LRBA: variants seen among roughly 807,000 people sequenced by gnomAD.
LRBA encodes the protein lipopolysaccharide-responsive and beige-like anchor protein.
In LRBA, 176 loss-of-function variants were observed where a neutral mutation model predicts 330.0. The observed-to-expected ratio is 0.53, with a 90% CI of 0.47 to 0.60. The LOEUF (loss-of-function observed/expected upper bound fraction) is 0.60, where lower values mean the gene tolerates loss of function less well. Among genes scored for constraint, LRBA ranks in the 20% least tolerant of loss-of-function variants. LRBA has a pLI of 0.00. For missense variants in LRBA, 3,259 were observed against 3,444.8 expected (o/e 0.95, Z 1.35); for synonymous variants, 1,230 against 1,193.0 (o/e 1.03, Z -0.64).
At chr4:150,642,752 A>C (rs1778797556) in intron 37 of LRBA, among the ~76,000 whole-genome samples, 1 of 151,914 alleles carries the variant, frequency 6.6e-6, no homozygotes, top group Non-Finnish European at 1.5e-5. Flanking sequence ...ATCAACTCAA[A>C]TAAAACTTCA....
chr4:150,759,946 T>C (rs907716611), intron 35 of LRBA, among the ~76,000 whole-genome samples: 1 of 152,154 alleles, frequency 6.6e-6, no homozygotes, highest in Non-Finnish European at 1.5e-5. Context: ...AACAATAACA[T>C]ACATAAATAA....
At position 150,831,821 on chromosome 4, in the gene LRBA, G is replaced by A; in HGVS notation, c.4725C>T (p.Leu1575=). The stretch of plus-strand genomic sequence containing the variant: ...GAATAGAAAATGCAAACTTACCAGA[G>A]AGTGATACATTCTCATTTTCACTGC... ...ETGSENENVS[L]SEITPAAFST... is the part of the protein sequence containing the mutation. Residue 1575 remains leucine, a synonymous_variant, in exon 29 of 57, where the codon CTC becomes CTT. Coordinates refer to ENST00000651943, the MANE Select transcript of LRBA (RefSeq NM_001364905.1). 1 of 1,588,436 alleles carries A rather than the reference G, an allele frequency of 6.3e-7. No individual in the cohort carries two copies.
chr4:150,621,092 G>A (rs1352251337), intron 37 of LRBA, among the ~76,000 whole-genome samples: 6 of 147,718 alleles, frequency 4.1e-5, no homozygotes, highest in African/African-American at 2.5e-5. Context: ...CCCTTCTTCG[G>A]AAAAAAAAAA....
intron 36 of LRBA, among the ~76,000 whole-genome samples, chr4:150,711,265 T>C (rs1786176749): frequency 6.6e-6 from 1 of 150,884 alleles, no homozygotes. Flanking sequence ...AGAAAGAGTC[T>C]CACTGTGTCA....
At chr4:150,544,184 G>A (rs1233063696) in intron 40 of LRBA, among the ~76,000 whole-genome samples, 1 of 151,624 alleles carries the variant, frequency 6.6e-6, no homozygotes, top group Admixed American at 6.6e-5. Flanking sequence ...CTGGAGTGCA[G>A]TGGTACGATC....
At chr4:150,294,764 A>G (rs1414868017) in intron 53 of LRBA, among the ~76,000 whole-genome samples, 1 of 152,208 alleles carries the variant, frequency 6.6e-6, no homozygotes, top group Non-Finnish European at 1.5e-5. Context: ...ATCATGGCCA[A>G]CATGGTGAAA....
Position 150,906,425 on chromosome 4 carries a change from C to A in LRBA, c.1494-20G>T. 2 of 1,303,426 alleles carry A rather than the reference C, an allele frequency of 1.5e-6. No individual in the cohort carries two copies. The highest frequency in any genetic ancestry group is 1.2e-5 in the South Asian group (1 of 80,938). 80.7% of individuals were successfully genotyped at this position (1,303,426 alleles called of 1,614,324 possible). A position where few individuals can be genotyped will look rare whatever the true frequency, so the allele number is the denominator to read the frequency against. On this transcript the variant is annotated intron_variant, in intron 11 of 56. Coordinates refer to ENST00000651943, the MANE Select transcript of LRBA (RefSeq NM_001364905.1). ...GTTGAACTAGAATTTTTTAAAAAGG[C>A]GATGATTAAAAAAACATATTCTATT...
At chr4:150,612,930 C>T (rs973794412) in intron 37 of LRBA, among the ~76,000 whole-genome samples, 1 of 151,876 alleles carries the variant, frequency 6.6e-6, no homozygotes, top group Non-Finnish European at 1.5e-5. Context: ...TGAGAAATAC[C>T]CTTAAGAAGA....
intron 38 of LRBA, among the ~76,000 whole-genome samples, chr4:150,592,058 C>T (rs1310553564): frequency 2.0e-5 from 3 of 151,310 alleles, no homozygotes; most frequent in African/African-American, 7.3e-5. Context: ...ACCTGACCCT[C>T]CTGGCTTCCA....
At chr4:150,865,870 C>A (rs1324858892) in intron 22 of LRBA, among the ~76,000 whole-genome samples, 1 of 152,088 alleles carries the variant, frequency 6.6e-6, no homozygotes, top group African/African-American at 2.4e-5. Context: ...TGCACGCCAC[C>A]ACGCCTGGCT....
chr4:150,343,927 T>C (rs191198619), intron 48 of LRBA, among the ~76,000 whole-genome samples: 1 of 152,338 alleles, frequency 6.6e-6, no homozygotes, highest in Non-Finnish European at 1.5e-5. Flanking sequence ...CATACACATT[T>C]ACTTACACAA....
chr4:150,722,846 C>A (rs1315908628), intron 36 of LRBA, among the ~76,000 whole-genome samples: 1 of 152,082 alleles, frequency 6.6e-6, no homozygotes, highest in East Asian at 1.9e-4. Context: ...GATGCCACCT[C>A]TGCCCCATCG....
intron 40 of LRBA, among the ~76,000 whole-genome samples, chr4:150,503,910 G>A (rs1451997947): frequency 2.6e-5 from 4 of 152,200 alleles, no homozygotes; most frequent in Admixed American, 2.6e-4. Flanking sequence ...ACCTGATGGA[G>A]CTGAAAACCA....
chr4:150,560,318 TA>T, intron 40 of LRBA, among the ~76,000 whole-genome samples: 1 of 152,186 alleles, frequency 6.6e-6, no homozygotes, highest in African/African-American at 2.4e-5. Flanking sequence ...AATCTGTTTT[TA>T]AAAAACATGT....
chr4:150,315,757 G>C, intron 50 of LRBA, 134 bp from the exon 51 acceptor site: 1 of 615,888 alleles, frequency 1.6e-6, no homozygotes. Context: ...GAAATTTAAA[G>C]AACAAAAATC....
At chr4:150,790,830 T>C (rs1739796599) in intron 34 of LRBA, among the ~76,000 whole-genome samples, 1 of 152,184 alleles carries the variant, frequency 6.6e-6, no homozygotes, top group Non-Finnish European at 1.5e-5. Flanking sequence ...TCGGGCTTTG[T>C]ATATTATAAG....
intron 50 of LRBA, among the ~76,000 whole-genome samples, chr4:150,319,723 GA>G (rs1159795740): frequency 2.0e-5 from 3 of 151,912 alleles, no homozygotes; most frequent in East Asian, 3.9e-4. Context: ...ATATACCCAG[GA>G]AAATGGCTAT....
intron 35 of LRBA, among the ~76,000 whole-genome samples, chr4:150,737,407 C>A (rs1454233747): frequency 6.6e-6 from 1 of 151,974 alleles, no homozygotes; most frequent in Non-Finnish European, 1.5e-5. Flanking sequence ...TTGCAGTGAG[C>A]CCAGATTGCA....
chr4:150,632,195 C>T lies in LRBA; in HGVS notation c.5922-33064G>A, dbSNP rs191756298. On this transcript the variant is annotated intron_variant, in intron 37 of 56. Transcript: ENST00000651943. ...GCAGTGAGCAGAGATCATGCCATTG[C>T]ACTCCAGCCTGGGAGACAGAGTGAG... Among the ~76,000 whole-genome samples, 689 of 149,340 alleles carry T rather than the reference C, an allele frequency of 4.6e-3. 6 individuals are homozygous for T. The highest frequency in any genetic ancestry group is 0.016 in the African/African-American group (657 of 40,426).
Sources: allele counts gnomAD v4.1 joint callset (sites outside exome capture counted in the v4.1 genomes callset), GRCh38; gene constraint gnomAD v4.1.1; transcripts MANE v1.5; gene names NCBI Gene and HGNC (gene_info 2026-07-23, HGNC 2026-07-21).